The following SAMD12 variants were observed in gnomAD, a reference collection of about 807,000 sequenced individuals.
The protein encoded by SAMD12 is sterile alpha motif domain-containing protein 12.
A neutral mutation model predicts 15.0 loss-of-function variants in SAMD12; 9 were observed. That is an observed-to-expected ratio of 0.60 (90% CI 0.36 to 1.05). The LOEUF is 1.05. SAMD12 is among the 50% of genes least tolerant of loss of function. SAMD12 has a pLI of 0.01. For synonymous variants in SAMD12, 86 were observed against 90.1 expected (o/e 0.96, Z 0.25); for missense variants, 230 against 234.2 (o/e 0.98, Z 0.12).
chr8:118,542,143 T>A (rs955936383), intron 2 of SAMD12, among the ~76,000 whole-genome samples: 1 of 152,166 alleles, frequency 6.6e-6, no homozygotes, highest in Non-Finnish European at 1.5e-5. Flanking sequence ...ATTAAGCCAG[T>A]GAGAAATAGG....
intron 1 of SAMD12, among the ~76,000 whole-genome samples, chr8:118,619,122 C>T (rs1212757694): frequency 1.3e-5 from 2 of 152,056 alleles, no homozygotes; most frequent in African/African-American, 4.8e-5. Flanking sequence ...AACAGCAGCC[C>T]CCAGCAGCAG....
intron 1 of SAMD12, among the ~76,000 whole-genome samples, chr8:118,613,929 T>A (rs1828168882): frequency 6.6e-6 from 1 of 152,198 alleles, no homozygotes; most frequent in Non-Finnish European, 1.5e-5. Context: ...GTGAATATAA[T>A]CATAACATTT....
At chr8:118,366,672 C>T (rs556983971) in intron 4 of SAMD12, among the ~76,000 whole-genome samples, 78 of 151,560 alleles carry the variant, frequency 5.1e-4, no homozygotes, top group Admixed American at 2.1e-3. Context: ...ATTAGCTGGG[C>T]GTGGTGGCAC....
the SAMD12 span, among the ~76,000 whole-genome samples, chr8:118,141,662 G>A: frequency 6.6e-6 from 1 of 152,246 alleles, no homozygotes; most frequent in Non-Finnish European, 1.5e-5. Context: ...TAGTTTTGAT[G>A]TAAAGAGTAA....
chr8:118,189,331 A>G (rs1819297567), downstream of SAMD12: 1 of 152,238 alleles, frequency 6.6e-6, no homozygotes, highest in Non-Finnish European at 1.5e-5. Flanking sequence ...TCATTAGCTA[A>G]CACAGGGAAA....
At chr8:118,555,505 C>T (rs1274431582) in intron 2 of SAMD12, among the ~76,000 whole-genome samples, 1 of 152,206 alleles carries the variant, frequency 6.6e-6, no homozygotes, top group African/African-American at 2.4e-5. Flanking sequence ...TATGCAACAA[C>T]AGGCTTATCT....
chr8:118,546,871 G>C (rs889279952), intron 2 of SAMD12, among the ~76,000 whole-genome samples: 1 of 152,170 alleles, frequency 6.6e-6, no homozygotes, highest in African/African-American at 2.4e-5. Context: ...ACATCAGTTT[G>C]CTTTACAGTA....
chr8:118,334,931 C>T (rs1384272225), intron 4 of SAMD12, among the ~76,000 whole-genome samples: 1 of 152,068 alleles, frequency 6.6e-6, no homozygotes, highest in Non-Finnish European at 1.5e-5. Context: ...CTCTTTGTAA[C>T]TCTTCATATA....
At chr8:118,476,549 C>T (rs1823965600) in intron 2 of SAMD12, among the ~76,000 whole-genome samples, 8 of 152,120 alleles carry the variant, frequency 5.3e-5, no homozygotes, top group Admixed American at 5.2e-4. Context: ...CCAAAGCTCC[C>T]AGATTCCAGT....
intron 2 of SAMD12, among the ~76,000 whole-genome samples, chr8:118,492,419 A>G (rs1824467617): frequency 6.6e-6 from 1 of 152,212 alleles, no homozygotes; most frequent in Non-Finnish European, 1.5e-5. Flanking sequence ...GTACAAATAA[A>G]GTGTTTAACA....
At position 118,378,870 on chromosome 8, in the gene SAMD12, C is replaced by T. The variant is rs1418331474; in HGVS notation, c.*547G>A. The T allele has an allele frequency of 2.6e-5, 25 of 979,658 alleles. No homozygotes were observed. The highest frequency in any genetic ancestry group is 2.9e-5 in the Non-Finnish European group (24 of 824,748). The allele number at this position is 979,658 out of a possible 1,614,324, so 60.7% of individuals were successfully genotyped here. ...TCCACAGTTATTGAGATCTTAAGTG[C>T]TCTCATCATATTGAAGTTATTTATA... On this transcript the variant is annotated 3_prime_UTR_variant, in exon 4 of 4. Transcript: ENST00000314727.
At chr8:118,549,729 C>T (rs765988264) in intron 2 of SAMD12, among the ~76,000 whole-genome samples, 4 of 151,294 alleles carry the variant, frequency 2.6e-5, no homozygotes, top group Non-Finnish European at 4.4e-5. Flanking sequence ...GATCAAACTA[C>T]GAGCTACAGG....
At chr8:118,570,646 C>T (rs547156274) in intron 2 of SAMD12, among the ~76,000 whole-genome samples, 41 of 152,172 alleles carry the variant, frequency 2.7e-4, no homozygotes, top group African/African-American at 8.7e-4. Context: ...TCCTTGCTAT[C>T]GTGAATAGTG....
At chr8:118,351,156 G>A (rs1438241418) in intron 4 of SAMD12, among the ~76,000 whole-genome samples, 4 of 152,074 alleles carry the variant, frequency 2.6e-5, no homozygotes, top group Non-Finnish European at 5.9e-5. Flanking sequence ...GCTTACTTTG[G>A]CAAATTTGTA....
At chr8:118,374,560 G>A (rs1026564834), downstream of SAMD12, among the ~76,000 whole-genome samples, 1 of 152,080 alleles carries the variant, frequency 6.6e-6, no homozygotes, top group Non-Finnish European at 1.5e-5. Flanking sequence ...CCTCAATACT[G>A]TTTTCCATAA....
At chr8:118,476,350 TG>T (rs1188643477) in intron 2 of SAMD12, among the ~76,000 whole-genome samples, 1 of 152,050 alleles carries the variant, frequency 6.6e-6, no homozygotes, top group Non-Finnish European at 1.5e-5. Context: ...AGGAGTAATG[TG>T]GGCAGCATCT....
rs762416800 is a variant in SAMD12, at chr8:118,439,838, T to C, written c.316A>G (p.Ile106Val). 17 of 1,613,380 alleles carry C rather than the reference T, an allele frequency of 1.1e-5. No individual in the cohort carries two copies. The South Asian group carries it at 1.5e-4, about 15-fold the overall frequency. The change falls in exon 3 of 4, where the codon ATA becomes GTA. Residue 106 changes from isoleucine to valine, a missense_variant. Coordinates refer to ENST00000314727, the MANE Select transcript of SAMD12 (RefSeq NM_207506.3). ...GGGATACTGCATACTTTACCAGTTA[T>C]GTCATGCTGTTTGAATGACTCACTG... Reference protein sequence around the residue: ...IYSESFKQHDITGRALLRLTD... With the variant: ...IYSESFKQHDVTGRALLRLTD...
the SAMD12 span, among the ~76,000 whole-genome samples, chr8:118,135,952 C>T: frequency 6.6e-6 from 1 of 152,186 alleles, no homozygotes; most frequent in East Asian, 1.9e-4. Context: ...TTCCTTCCTT[C>T]CCACTCCCCC....
At chr8:118,432,669 C>A in intron 3 of SAMD12, among the ~76,000 whole-genome samples, 1 of 152,118 alleles carries the variant, frequency 6.6e-6, no homozygotes, top group Middle Eastern at 3.2e-3. Context: ...CTAAGGAGGG[C>A]TTTCTATAGG....
Sources: allele counts gnomAD v4.1 joint callset (sites outside exome capture counted in the v4.1 genomes callset), GRCh38; gene constraint gnomAD v4.1.1; transcripts MANE v1.5; gene names NCBI Gene and HGNC (gene_info 2026-07-23, HGNC 2026-07-21).